ANKS1B: variants seen among roughly 807,000 people sequenced by gnomAD.
ANKS1B encodes the protein ankyrin repeat and sterile alpha motif domain containing 1B, also known as ankyrin repeat and sterile alpha motif domain-containing protein 1B.
ANKS1B carries 36 observed loss-of-function variants against 148.3 expected under a neutral mutation model. The ratio of observed to expected loss-of-function variants is 0.24; its 90% CI spans 0.19 to 0.32. The LOEUF (loss-of-function observed/expected upper bound fraction) is 0.32, where lower values mean the gene tolerates loss of function less well. Ranked by LOEUF, ANKS1B falls within the 10% of genes least tolerant of loss-of-function variation. The probability of loss-of-function intolerance (pLI) is 1.00; values close to 1 mark genes in which losing one functional copy is unlikely to be tolerated. For missense variants in ANKS1B, 1,157 were observed against 1,542.6 expected (o/e 0.75, Z 4.19); for synonymous variants, 542 against 560.8 (o/e 0.97, Z 0.47).
intron 17 of ANKS1B, among the ~76,000 whole-genome samples, chr12:98,920,135 G>A (rs986060104): frequency 3.9e-5 from 6 of 152,192 alleles, no homozygotes; most frequent in Non-Finnish European, 5.9e-5. Context: ...GGCAATCTTT[G>A]ACATTTCTTT....
intron 1 of ANKS1B, among the ~76,000 whole-genome samples, chr12:99,960,205 T>G (rs139061460): frequency 7.1e-4 from 108 of 152,338 alleles, no homozygotes; most frequent in Non-Finnish European, 1.3e-3. Flanking sequence ...TTCATCTATA[T>G]AAAAAGCTCT....
intron 14 of ANKS1B, among the ~76,000 whole-genome samples, chr12:99,155,394 A>G (rs2075906266): frequency 6.6e-6 from 1 of 152,198 alleles, no homozygotes; most frequent in Non-Finnish European, 1.5e-5. Flanking sequence ...CTTGAAGTCA[A>G]GATAATTTAT....
At chr12:99,152,232 T>G (rs1193275659) in intron 15 of ANKS1B, among the ~76,000 whole-genome samples, 2 of 152,188 alleles carry the variant, frequency 1.3e-5, no homozygotes, top group Non-Finnish European at 2.9e-5. Flanking sequence ...AAGCACTAAT[T>G]GATTATACCA....
intron 17 of ANKS1B, among the ~76,000 whole-genome samples, chr12:98,975,384 ACCTTCCTG>A (rs1449156963): frequency 3.2e-5 from 4 of 126,026 alleles, no homozygotes; most frequent in African/African-American, 1.2e-4. Context: ...CACCCTTCCT[ACCTTCCTG>A]CCTTCCTGCC....
chr12:99,278,790 T>C (rs948022476), intron 12 of ANKS1B, among the ~76,000 whole-genome samples: 1 of 152,106 alleles, frequency 6.6e-6, no homozygotes, highest in Admixed American at 6.5e-5. Flanking sequence ...AAGCAAAAAA[T>C]AAAAAGTACA....
At chr12:99,244,941 G>A (rs1397838225) in intron 13 of ANKS1B, among the ~76,000 whole-genome samples, 2 of 152,148 alleles carry the variant, frequency 1.3e-5, no homozygotes, top group Admixed American at 6.6e-5. Context: ...TGCAACCTCC[G>A]CCGCCCAGGT....
At chr12:99,677,306 T>A (rs2098581591) in intron 8 of ANKS1B, among the ~76,000 whole-genome samples, 1 of 152,208 alleles carries the variant, frequency 6.6e-6, no homozygotes, top group African/African-American at 2.4e-5. Flanking sequence ...TTAAAAGCAG[T>A]ACCACTTGCC....
At chr12:98,897,421 C>T (rs2099766301) in intron 17 of ANKS1B, among the ~76,000 whole-genome samples, 1 of 151,898 alleles carries the variant, frequency 6.6e-6, no homozygotes, top group African/African-American at 2.4e-5. Context: ...CATGAGCAGA[C>T]ATTTCTCAAA....
chr12:99,946,272 T>C (rs921860778), intron 1 of ANKS1B, among the ~76,000 whole-genome samples: 1 of 152,214 alleles, frequency 6.6e-6, no homozygotes, highest in Non-Finnish European at 1.5e-5. Flanking sequence ...GCTAGATCAG[T>C]GACCTTTATC....
At chr12:98,958,978 C>T (rs1321457586) in intron 17 of ANKS1B, among the ~76,000 whole-genome samples, 2 of 152,072 alleles carry the variant, frequency 1.3e-5, no homozygotes, top group African/African-American at 2.4e-5. Context: ...ATTATAACAG[C>T]TTAATGGCTC....
chr12:99,570,521 C>A (rs1274177666), intron 9 of ANKS1B, among the ~76,000 whole-genome samples: 1 of 151,948 alleles, frequency 6.6e-6, no homozygotes, highest in Non-Finnish European at 1.5e-5. Context: ...GTGGCGGGTG[C>A]CTGTAGTCCC....
At chr12:99,232,436 G>A (rs1375672028) in intron 14 of ANKS1B, among the ~76,000 whole-genome samples, 1 of 152,132 alleles carries the variant, frequency 6.6e-6, no homozygotes, top group Non-Finnish European at 1.5e-5. Context: ...GAAATAGGAG[G>A]GTGTTTATGA....
At chr12:99,589,078 T>A (rs1212939211) in intron 9 of ANKS1B, among the ~76,000 whole-genome samples, 4 of 152,188 alleles carry the variant, frequency 2.6e-5, no homozygotes, top group Non-Finnish European at 5.9e-5. Context: ...GCCCAGGCAG[T>A]GGGATCGAAA....
At chr12:99,836,348 C>A (rs992442923) in intron 1 of ANKS1B, among the ~76,000 whole-genome samples, 5 of 151,852 alleles carry the variant, frequency 3.3e-5, no homozygotes, top group African/African-American at 4.8e-5. Flanking sequence ...AATAATAGAT[C>A]TAGTATACAG....
intron 17 of ANKS1B, among the ~76,000 whole-genome samples, chr12:98,981,335 T>G (rs2099910184): frequency 6.6e-6 from 1 of 151,592 alleles, no homozygotes; most frequent in Non-Finnish European, 1.5e-5. Context: ...TGTTTTTTGT[T>G]GTTTGCTTTT....
chr12:99,072,731 C>T (rs2046653663), intron 16 of ANKS1B, among the ~76,000 whole-genome samples: 1 of 152,182 alleles, frequency 6.6e-6, no homozygotes, highest in Non-Finnish European at 1.5e-5. Context: ...TTCACAGATT[C>T]CCATCATTTT....
intron 12 of ANKS1B, among the ~76,000 whole-genome samples, chr12:99,352,533 C>T (rs1355178553): frequency 6.6e-6 from 1 of 152,006 alleles, no homozygotes; most frequent in African/African-American, 2.4e-5. Context: ...TTCTGCTTTG[C>T]CTTTAATCAA....
intron 17 of ANKS1B, among the ~76,000 whole-genome samples, chr12:98,957,311 ATATTTATTTATTTATTTATTTATTTATT>A (rs71782750): frequency 1.3e-4 from 19 of 143,966 alleles, no homozygotes; most frequent in East Asian, 6.2e-4. Context: ...TTTTTTTTAA[ATATTTATTTATTTATTTATTTATTTATT>A]TATTTATTTA....
At chr12:99,446,136 G>A (rs2095634109) in intron 10 of ANKS1B, among the ~76,000 whole-genome samples, 1 of 151,928 alleles carries the variant, frequency 6.6e-6, no homozygotes, top group South Asian at 2.1e-4. Flanking sequence ...AGGGTGGGGT[G>A]GGGGAGTAAT....
Sources: allele counts gnomAD v4.1 joint callset (sites outside exome capture counted in the v4.1 genomes callset), GRCh38; gene constraint gnomAD v4.1.1; transcripts MANE v1.5; gene names NCBI Gene and HGNC (gene_info 2026-07-23, HGNC 2026-07-21).